KAZN: variants seen among roughly 807,000 people sequenced by gnomAD.
KAZN encodes kazrin.
KAZN carries 40 observed loss-of-function variants against 87.4 expected under a neutral mutation model. The observed-to-expected ratio is 0.46, with a 90% CI of 0.36 to 0.60. The LOEUF (loss-of-function observed/expected upper bound fraction) is 0.60, where lower values mean the gene tolerates loss of function less well. Among genes scored for constraint, KAZN ranks in the 20% least tolerant of loss-of-function variants. The probability of loss-of-function intolerance (pLI) is 0.00; values close to 1 mark genes in which losing one functional copy is unlikely to be tolerated. For missense variants in KAZN, 898 were observed against 1,073.9 expected, an observed-to-expected ratio of 0.84 and a Z score of 2.29; for synonymous variants, 466 against 458.3, an observed-to-expected ratio of 1.02 and a Z score of -0.22.
intron 2 of KAZN, among the ~76,000 whole-genome samples, chr1:14,977,227 A>C (rs1054067289): frequency 7.9e-5 from 12 of 152,210 alleles, no homozygotes; most frequent in Non-Finnish European, 1.8e-4. Context: ...TCTGTCCTTC[A>C]GCCACAGGAT....
intron 1 of KAZN, among the ~76,000 whole-genome samples, chr1:14,174,375 T>C (rs551955973): frequency 7.2e-5 from 11 of 152,288 alleles, no homozygotes; most frequent in African/African-American, 2.6e-4. Context: ...TGTTGCTCAG[T>C]AGCTCCTTGA....
At chr1:15,088,938 G>C (rs985910268) in intron 8 of KAZN, among the ~76,000 whole-genome samples, 2 of 151,992 alleles carry the variant, frequency 1.3e-5, no homozygotes, top group Non-Finnish European at 2.9e-5. Flanking sequence ...CAGCCCTGAG[G>C]CCTGCTCACT....
At chr1:14,928,305 C>T (rs981170299) in intron 1 of KAZN, among the ~76,000 whole-genome samples, 2 of 152,012 alleles carry the variant, frequency 1.3e-5, no homozygotes. Context: ...AAAAATTAGC[C>T]GGGCGTGTTG....
chr1:14,628,993 C>T (rs1367904394), intron 1 of KAZN, among the ~76,000 whole-genome samples: 1 of 152,040 alleles, frequency 6.6e-6, no homozygotes, highest in African/African-American at 2.4e-5. Context: ...ACTACAGGTG[C>T]CTGCCACCAC....
chr1:14,589,375 A>G (rs1676054324), intron 2 of KAZN, among the ~76,000 whole-genome samples: 1 of 151,820 alleles, frequency 6.6e-6, no homozygotes, highest in Non-Finnish European at 1.5e-5. Context: ...TAAGATAAAC[A>G]TGACAGCTTT....
At chr1:14,832,472 T>C (rs1255213032) in intron 1 of KAZN, among the ~76,000 whole-genome samples, 4 of 152,202 alleles carry the variant, frequency 2.6e-5, no homozygotes, top group Admixed American at 2.0e-4. Flanking sequence ...CTATCTTTGA[T>C]TGGATCAGTT....
intron 1 of KAZN, among the ~76,000 whole-genome samples, chr1:14,130,847 G>T (rs1644977385): frequency 1.3e-5 from 2 of 148,876 alleles, no homozygotes; most frequent in Admixed American, 1.4e-4. Context: ...CAAATTGTCA[G>T]AGGGTAGGGA....
chr1:14,258,849 GA>G (rs916192742), intron 2 of KAZN, among the ~76,000 whole-genome samples: 1 of 152,158 alleles, frequency 6.6e-6, no homozygotes, highest in African/African-American at 2.4e-5. Flanking sequence ...TGATTTAATA[GA>G]AGTAAGAGAA....
chr1:14,160,387 C>T (rs894818608), intron 1 of KAZN, among the ~76,000 whole-genome samples: 8 of 152,124 alleles, frequency 5.3e-5, no homozygotes, highest in Admixed American at 5.2e-4. Flanking sequence ...CTGCAATCTC[C>T]CTCTCTCCAG....
intron 1 of KAZN, among the ~76,000 whole-genome samples, chr1:14,704,454 T>C (rs185211605): frequency 6.6e-6 from 1 of 152,326 alleles, no homozygotes. Context: ...AAAAATTGAG[T>C]TATTTTTCTG....
rs2100768563 is a variant in KAZN, at chr1:15,117,172, A to G, written c.*2537A>G. On this transcript the variant is annotated 3_prime_UTR_variant, in exon 15 of 15. Transcript: ENST00000376030. ...CAGAAGGCGGAGACTTGGCAGAGAG[A>G]CTCAAGCTGATTGTCACAGGCTACA... 6.6e-6 allele frequency: 1 copy of G among 152,330 alleles called. No individual in the cohort carries two copies. 9.4% of individuals were successfully genotyped at this position (152,330 alleles called of 1,614,324 possible).
intron 8 of KAZN, among the ~76,000 whole-genome samples, chr1:15,083,894 A>G (rs1010972335): frequency 1.3e-5 from 2 of 152,174 alleles, no homozygotes; most frequent in Non-Finnish European, 2.9e-5. Context: ...GGCTGCTCAC[A>G]TAGGTTCTTC....
At chr1:14,206,661 C>G (rs1035301100) in intron 2 of KAZN, among the ~76,000 whole-genome samples, 5 of 151,196 alleles carry the variant, frequency 3.3e-5, no homozygotes, top group Admixed American at 6.6e-5. Flanking sequence ...TTTATGTATA[C>G]CCAGTACCAT....
intron 2 of KAZN, among the ~76,000 whole-genome samples, chr1:14,589,698 A>C (rs1676074136): frequency 6.6e-6 from 1 of 152,208 alleles, no homozygotes; most frequent in African/African-American, 2.4e-5. Flanking sequence ...ACCCCTTTGC[A>C]ATAAATCATC....
chr1:14,930,657 C>T (rs552738044), intron 1 of KAZN, among the ~76,000 whole-genome samples: 2 of 152,216 alleles, frequency 1.3e-5, no homozygotes, highest in East Asian at 1.9e-4. Context: ...GAGGTTACAC[C>T]GGCTGTGGAA....
chr1:14,833,019 TA>T (rs1167383196), intron 1 of KAZN, among the ~76,000 whole-genome samples: 1 of 152,238 alleles, frequency 6.6e-6, no homozygotes, highest in African/African-American at 2.4e-5. Context: ...AATTTTATTT[TA>T]AAAATTGATA....
chr1:14,058,788 C>T (rs893648391), intron 1 of KAZN, among the ~76,000 whole-genome samples: 13 of 152,140 alleles, frequency 8.5e-5, no homozygotes, highest in African/African-American at 1.2e-4. Context: ...AAAGGTCTCT[C>T]TGAGATGATA....
chr1:14,662,985 T>G (rs561698908), intron 1 of KAZN, among the ~76,000 whole-genome samples: 1 of 143,730 alleles, frequency 7.0e-6, no homozygotes, highest in East Asian at 2.0e-4. Flanking sequence ...ATATATATTT[T>G]AGAGAGGGGG....
At chr1:14,449,398 C>T (rs1667145576) in intron 2 of KAZN, among the ~76,000 whole-genome samples, 1 of 152,132 alleles carries the variant, frequency 6.6e-6, no homozygotes, top group South Asian at 2.1e-4. Context: ...TTTTACAGAA[C>T]CAGAATATTT....
Sources: gnomAD v4.1 joint callset for allele counts (sites outside exome capture counted in the v4.1 genomes callset) on GRCh38, gnomAD v4.1.1 for gene constraint, MANE v1.5 for transcripts, NCBI Gene and HGNC (gene_info 2026-07-23, HGNC 2026-07-21) for gene names.